SLC9A9: variants seen among roughly 807,000 people sequenced by gnomAD.
SLC9A9 encodes sodium/hydrogen exchanger 9.
In SLC9A9, 62 loss-of-function variants were observed where a neutral mutation model predicts 77.8. The observed-to-expected ratio is 0.80, with a 90% CI of 0.65 to 0.98. SLC9A9 has a LOEUF of 0.98. Among genes scored for constraint, SLC9A9 ranks in the 50% least tolerant of loss-of-function variants. SLC9A9 has a pLI of 0.00. For synonymous variants in SLC9A9, 320 were observed against 283.5 expected (o/e 1.13, Z -1.29); for missense variants, 775 against 774.9 (o/e 1.00, Z 0.00).
At chr3:143,599,242 A>G (rs901286648) in intron 6 of SLC9A9, among the ~76,000 whole-genome samples, 5 of 152,220 alleles carry the variant, frequency 3.3e-5, no homozygotes, top group African/African-American at 9.7e-5. Flanking sequence ...AAACATAATT[A>G]TGTTTCTGAA....
At chr3:143,712,203 C>G (rs1934215545) in intron 4 of SLC9A9, among the ~76,000 whole-genome samples, 1 of 152,004 alleles carries the variant, frequency 6.6e-6, no homozygotes, top group Non-Finnish European at 1.5e-5. Flanking sequence ...AAATGAGGGT[C>G]AAGAATAATA....
intron 13 of SLC9A9, among the ~76,000 whole-genome samples, chr3:143,364,836 C>T (rs764307625): frequency 2.0e-4 from 31 of 152,156 alleles, no homozygotes; most frequent in Non-Finnish European, 3.4e-4. Context: ...CTTAAGATCT[C>T]TGATTTTTCA....
At chr3:143,454,451 T>C (rs1470161039) in intron 12 of SLC9A9, among the ~76,000 whole-genome samples, 1 of 152,196 alleles carries the variant, frequency 6.6e-6, no homozygotes, top group East Asian at 1.9e-4. Context: ...CGAAGTTTTA[T>C]AGTTTTATAT....
chr3:143,581,334 T>A (rs912233600), intron 6 of SLC9A9, among the ~76,000 whole-genome samples: 3 of 152,208 alleles, frequency 2.0e-5, no homozygotes, highest in Non-Finnish European at 2.9e-5. Flanking sequence ...TTAAGTTCCA[T>A]GGTGAGAATA....
intron 14 of SLC9A9, among the ~76,000 whole-genome samples, chr3:143,353,440 A>C (rs2032515652): frequency 6.6e-6 from 1 of 152,186 alleles, no homozygotes; most frequent in African/African-American, 2.4e-5. Context: ...CTTCCACCAC[A>C]TGAGGATAGA....
chr3:143,403,777 A>C (rs1364240533), intron 12 of SLC9A9, among the ~76,000 whole-genome samples: 3 of 152,162 alleles, frequency 2.0e-5, no homozygotes, highest in South Asian at 2.1e-4. Flanking sequence ...GTCTTTCAAC[A>C]CTTTGAGTAT....
chr3:143,594,788 T>C lies in SLC9A9; in HGVS notation c.756-16065A>G, dbSNP rs564009545. Among the ~76,000 whole-genome samples, 21 of 152,326 alleles carry C rather than the reference T, an allele frequency of 1.4e-4. No individual in the cohort carries two copies. The South Asian group carries it at 4.4e-3, about 32-fold the overall frequency. On this transcript the variant is annotated intron_variant, in intron 6 of 15. Transcript: ENST00000316549. ...AAAAAAATGTGGCCCCAAGGGCTAT[T>C]CTGAGAAAGAAGAGCCTTTGAAACA...
intron 2 of SLC9A9, among the ~76,000 whole-genome samples, chr3:143,827,262 G>A (rs1385122555): frequency 6.6e-6 from 1 of 152,136 alleles, no homozygotes; most frequent in Non-Finnish European, 1.5e-5. Flanking sequence ...TGTATACACA[G>A]AACAATTTGA....
intron 4 of SLC9A9, among the ~76,000 whole-genome samples, chr3:143,770,195 C>A (rs1356756534): frequency 2.6e-5 from 4 of 151,804 alleles, no homozygotes; most frequent in Non-Finnish European, 5.9e-5. Context: ...ACAGGTAAAT[C>A]CTAACTGAAT....
chr3:143,779,493 T>C (rs193193200), intron 4 of SLC9A9, among the ~76,000 whole-genome samples: 62 of 152,266 alleles, frequency 4.1e-4, no homozygotes, highest in Admixed American at 1.1e-3. Flanking sequence ...TGCCTCAGCC[T>C]CTGGAGTAGC....
chr3:143,364,237 G>A (rs1405151964), intron 13 of SLC9A9, among the ~76,000 whole-genome samples: 1 of 151,314 alleles, frequency 6.6e-6, no homozygotes, highest in African/African-American at 2.4e-5. Context: ...AAAAAAAAAA[G>A]GAAAGAAAGT....
chr3:143,780,286 A>G (rs900969493), intron 4 of SLC9A9, among the ~76,000 whole-genome samples: 1 of 152,238 alleles, frequency 6.6e-6, no homozygotes, highest in Non-Finnish European at 1.5e-5. Flanking sequence ...AAGACCAGAT[A>G]GCCCAATTAG....
intron 5 of SLC9A9, among the ~76,000 whole-genome samples, chr3:143,689,071 C>T (rs571343275): frequency 2.0e-5 from 3 of 152,168 alleles, no homozygotes; most frequent in South Asian, 4.1e-4. Context: ...TAAATCCTCA[C>T]CTTTCATATG....
chr3:143,380,436 A>T (rs923893239), intron 13 of SLC9A9, among the ~76,000 whole-genome samples: 1 of 139,222 alleles, frequency 7.2e-6, no homozygotes, highest in African/African-American at 2.8e-5. Context: ...AGAAAAAGGT[A>T]TACAAGAAGG....
intron 9 of SLC9A9, among the ~76,000 whole-genome samples, chr3:143,496,630 A>G (rs838600): frequency 0.53 from 80,249 of 152,094 alleles, 21,840 homozygotes; most frequent in African/African-American, 0.67. Context: ...ATTATCCTGA[A>G]TGCTTGCTTT....
At chr3:143,620,225 C>A (rs558183299) in intron 6 of SLC9A9, among the ~76,000 whole-genome samples, 1 of 152,318 alleles carries the variant, frequency 6.6e-6, no homozygotes, top group African/African-American at 2.4e-5. Flanking sequence ...CCATCCTAAA[C>A]TCCTCCACTT....
intron 12 of SLC9A9, among the ~76,000 whole-genome samples, chr3:143,396,091 A>G (rs2033721998): frequency 6.6e-6 from 1 of 152,246 alleles, no homozygotes; most frequent in Non-Finnish European, 1.5e-5. Flanking sequence ...CAGCAATCCC[A>G]TTACTGGGTA....
chr3:143,782,723 CA>C (rs768443199), intron 4 of SLC9A9, among the ~76,000 whole-genome samples: 6 of 152,126 alleles, frequency 3.9e-5, no homozygotes, highest in Non-Finnish European at 5.9e-5. Context: ...ATGCATTTTA[CA>C]AATCTTTTTA....
chr3:143,497,296 C>T (rs1204766299), intron 9 of SLC9A9, among the ~76,000 whole-genome samples: 2 of 152,142 alleles, frequency 1.3e-5, no homozygotes, highest in Non-Finnish European at 2.9e-5. Context: ...AATGGCCTTA[C>T]TCCAATTTCC....
Sources: gnomAD v4.1 joint callset for allele counts (sites outside exome capture counted in the v4.1 genomes callset) on GRCh38, gnomAD v4.1.1 for gene constraint, MANE v1.5 for transcripts, NCBI Gene and HGNC (gene_info 2026-07-23, HGNC 2026-07-21) for gene names.